The following PCCB variants were observed in gnomAD, a reference collection of about 807,000 sequenced individuals.
PCCB encodes propionyl-CoA carboxylase subunit beta.
A neutral mutation model predicts 60.7 loss-of-function variants in PCCB; 43 were observed. The observed-to-expected ratio is 0.71, with a 90% CI of 0.55 to 0.91. The LOEUF (loss-of-function observed/expected upper bound fraction) is 0.91, where lower values mean the gene tolerates loss of function less well. Among genes scored for constraint, PCCB ranks in the 40% least tolerant of loss-of-function variants. The pLI is 0.00. For missense variants in PCCB, 766 were observed against 702.8 expected, an observed-to-expected ratio of 1.09 and a Z score of -1.02; for synonymous variants, 276 against 255.9, an observed-to-expected ratio of 1.08 and a Z score of -0.75.
intron 5 of PCCB, among the ~76,000 whole-genome samples, chr3:136,269,993 GTT>G (rs1295104465): frequency 1.6e-5 from 2 of 127,336 alleles, no homozygotes; most frequent in Non-Finnish European, 3.4e-5. Flanking sequence ...ACTGGTGTGT[GTT>G]TTTTTTTTTT....
intron 1 of PCCB, among the ~76,000 whole-genome samples, chr3:136,254,429 C>G (rs1396108854): frequency 6.8e-6 from 1 of 147,836 alleles, no homozygotes; most frequent in Non-Finnish European, 1.5e-5. Context: ...GCCGTGTTAG[C>G]CAGGATGGTC....
intron 5 of PCCB, among the ~76,000 whole-genome samples, chr3:136,270,852 T>C (rs916341363): frequency 6.6e-6 from 1 of 152,194 alleles, no homozygotes; most frequent in South Asian, 2.1e-4. Flanking sequence ...AGTAAGGTGG[T>C]ATCTCATTGT....
intron 1 of PCCB, among the ~76,000 whole-genome samples, chr3:136,254,652 C>T (rs1205740910): frequency 6.6e-6 from 1 of 150,810 alleles, no homozygotes; most frequent in Non-Finnish European, 1.5e-5. Context: ...CCTGCCTCAG[C>T]CTCTTGAGTA....
chr3:136,316,482 T>C (rs975563435), intron 9 of PCCB, among the ~76,000 whole-genome samples: 2 of 151,974 alleles, frequency 1.3e-5, no homozygotes, highest in African/African-American at 4.8e-5. Context: ...ACCAGGCCAA[T>C]TTTTTGCATT....
intron 9 of PCCB, among the ~76,000 whole-genome samples, chr3:136,310,779 A>G (rs1576348270): frequency 6.6e-6 from 1 of 152,240 alleles, no homozygotes; most frequent in Non-Finnish European, 1.5e-5. Context: ...CTAGGAATGC[A>G]AGATTGGTTC....
At chr3:136,299,528 G>A (rs539331426) in intron 8 of PCCB, among the ~76,000 whole-genome samples, 1 of 122,494 alleles carries the variant, frequency 8.2e-6, no homozygotes, top group Non-Finnish European at 1.7e-5. Context: ...GTGTATGTAT[G>A]TATATGCATG....
intron 6 of PCCB, among the ~76,000 whole-genome samples, chr3:136,284,633 G>C (rs1261749032): frequency 6.6e-6 from 1 of 152,160 alleles, no homozygotes; most frequent in Non-Finnish European, 1.5e-5. Flanking sequence ...AGGAGTTCTA[G>C]AGGGAGTGTA....
At chr3:136,284,646 T>TG (rs1397911011) in intron 6 of PCCB, among the ~76,000 whole-genome samples, 1 of 152,146 alleles carries the variant, frequency 6.6e-6, no homozygotes, top group Non-Finnish European at 1.5e-5. Context: ...GGAGTGTAAA[T>TG]GGGAAACCCT....
intron 7 of PCCB, among the ~76,000 whole-genome samples, chr3:136,295,110 A>G (rs1933873386): frequency 6.6e-6 from 1 of 152,218 alleles, no homozygotes; most frequent in Non-Finnish European, 1.5e-5. Context: ...CCTGTAAAAG[A>G]AACCACCCAG....
chr3:136,316,798 G>A (rs1319588562), intron 9 of PCCB, 143 bp from the exon 10 acceptor site: 16 of 933,758 alleles, frequency 1.7e-5, no homozygotes, highest in African/African-American at 3.2e-5. Context: ...CTGTTGTCCT[G>A]CTTCCTTGGA....
chr3:136,312,580 AC>A (rs1456626636), intron 9 of PCCB, among the ~76,000 whole-genome samples: 1 of 152,220 alleles, frequency 6.6e-6, no homozygotes, highest in African/African-American at 2.4e-5. Flanking sequence ...TTAGATTCAT[AC>A]TTTACACCAT....
At chr3:136,291,429 C>G (rs1013169467) in intron 6 of PCCB, among the ~76,000 whole-genome samples, 4 of 152,084 alleles carry the variant, frequency 2.6e-5, no homozygotes, top group Non-Finnish European at 5.9e-5. Flanking sequence ...ACATGATACA[C>G]TAGGTAAAAG....
At position 136,270,014 on chromosome 3, in the gene PCCB, A is replaced by G. The variant is rs375164886; in HGVS notation, c.543+7949A>G. ...GTGTGTTTTTTTTTTTTTTTTGGAC[A>G]TTCTCTTGAAGGTTGAGGAAGTTCC... is the stretch of plus-strand genomic sequence containing the variant. On this transcript the variant is annotated intron_variant, in intron 5 of 14. Coordinates refer to ENST00000251654, the MANE Select transcript of PCCB (RefSeq NM_000532.5). Among the ~76,000 whole-genome samples, 4 of 140,504 alleles carry G rather than the reference A, an allele frequency of 2.8e-5. No homozygotes were observed. The East Asian group carries it at 8.2e-4, about 29-fold the overall frequency. The allele number at this position is 140,504 out of a possible 152,430, so 92.2% of individuals were successfully genotyped here. A position where few individuals can be genotyped will look rare whatever the true frequency, so the allele number is the denominator to read the frequency against.
chr3:136,270,045 ACTT>A (rs1400340829), intron 5 of PCCB, among the ~76,000 whole-genome samples: 1 of 125,720 alleles, frequency 8.0e-6, no homozygotes, highest in Non-Finnish European at 1.7e-5. Flanking sequence ...GTTCCTTTCT[ACTT>A]CTAATTTTTT....
At chr3:136,256,739 G>A (rs745635392) in intron 3 of PCCB, 116 bp downstream of exon 3, 68 of 776,980 alleles carry the variant, frequency 8.8e-5, no homozygotes, top group Non-Finnish European at 2.8e-5. Context: ...GGGAAAATGA[G>A]GGATTTGCTT....
chr3:136,327,202 C>G lies in PCCB; in HGVS notation c.1246C>G (p.Leu416Val). ...GGIIRHGAKL[L>V]YAFAEATVPK... is the part of the protein sequence containing the mutation. Reference sequence around the variant, plus strand: ...CATCATCCGGCATGGTGCCAAGCTTCTCTACGCATTTGCTGAGGCAACTGT... The same window carrying G: ...CATCATCCGGCATGGTGCCAAGCTTGTCTACGCATTTGCTGAGGCAACTGT... Residue 416 changes from leucine (L) to valine (V), a missense_variant, in exon 12 of 15, where the codon CTC becomes GTC. Transcript: ENST00000251654. 1.2e-6 allele frequency: 2 copies of G among 1,614,186 alleles called. No homozygotes were observed. The highest frequency in any genetic ancestry group is 1.7e-6 in the Non-Finnish European group (2 of 1,180,016).
At chr3:136,300,835 T>G (rs777488938) in intron 8 of PCCB, among the ~76,000 whole-genome samples, 195 bp from the exon 9 acceptor site, 2 of 152,210 alleles carry the variant, frequency 1.3e-5, no homozygotes, top group Non-Finnish European at 2.9e-5. Flanking sequence ...TCTTTTGGAT[T>G]GATACTTGTC....
chr3:136,327,226 G>A lies in PCCB; in HGVS notation c.1270G>A (p.Val424Ile). 3.1e-6 allele frequency: 5 copies of A among 1,614,144 alleles called. No homozygotes were observed. The highest frequency in any genetic ancestry group is 4.2e-6 in the Non-Finnish European group (5 of 1,179,966). Residue 424 changes from valine (V) to isoleucine (I), a missense_variant, in exon 12 of 15, where the codon GTA (valine) becomes ATA (isoleucine). By Grantham distance (29) the Val-to-Ile change is conservative. Coordinates refer to ENST00000251654, the MANE Select transcript of PCCB (RefSeq NM_000532.5). ...KLLYAFAEATVPKVTVITRKA... is the reference protein window; with the variant it reads ...KLLYAFAEATIPKVTVITRKA... ...TCTCTACGCATTTGCTGAGGCAACT[G>A]TACCCAAAGTCACAGTCATCACCAG... is the stretch of plus-strand genomic sequence containing the variant.
At chr3:136,328,541 C>T (rs1049310736) in intron 13 of PCCB, among the ~76,000 whole-genome samples, 6 of 152,144 alleles carry the variant, frequency 3.9e-5, no homozygotes, top group Non-Finnish European at 7.3e-5. Context: ...CTTATTGGGG[C>T]CACAGGGAAG....
Sources: gnomAD v4.1 joint callset for allele counts (sites outside exome capture counted in the v4.1 genomes callset) on GRCh38, gnomAD v4.1.1 for gene constraint, MANE v1.5 for transcripts, NCBI Gene and HGNC (gene_info 2026-07-23, HGNC 2026-07-21) for gene names.